The following TRHDE variants were observed in gnomAD, a reference collection of about 807,000 sequenced individuals.
TRHDE encodes the protein thyrotropin releasing hormone degrading enzyme.
In TRHDE, 72 loss-of-function variants were observed where a neutral mutation model predicts 125.7. That is an observed-to-expected ratio of 0.57 (90% CI 0.47 to 0.70). The LOEUF (loss-of-function observed/expected upper bound fraction) is 0.70. Ranked by LOEUF, TRHDE falls within the 30% of genes least tolerant of loss-of-function variation. The pLI, the probability that TRHDE is intolerant of heterozygous loss-of-function variation, is 0.00. For missense variants in TRHDE, 1,110 were observed against 1,327.1 expected (o/e 0.84, Z 2.54); for synonymous variants, 509 against 509.1 (o/e 1.00, Z 0.00).
chr12:72,547,547 T>G (rs1869478727), intron 7 of TRHDE, among the ~76,000 whole-genome samples: 1 of 151,828 alleles, frequency 6.6e-6, no homozygotes, highest in African/African-American at 2.4e-5. Context: ...TTTGATTAAC[T>G]TACGAATTTA....
intron 2 of TRHDE, among the ~76,000 whole-genome samples, chr12:72,305,319 G>A (rs1358320177): frequency 2.0e-5 from 3 of 152,138 alleles, no homozygotes; most frequent in Admixed American, 6.5e-5. Flanking sequence ...AATCCTCCCT[G>A]AAAAATGGAT....
intron 1 of TRHDE, among the ~76,000 whole-genome samples, chr12:72,104,327 A>G (rs963200285): frequency 6.6e-6 from 1 of 152,154 alleles, no homozygotes; most frequent in African/African-American, 2.4e-5. Context: ...GAGAAGATGC[A>G]TGTGTGTGGC....
chr12:72,624,478 G>A (rs1039648075), intron 15 of TRHDE, among the ~76,000 whole-genome samples: 1 of 151,862 alleles, frequency 6.6e-6, no homozygotes, highest in Non-Finnish European at 1.5e-5. Flanking sequence ...AAATTTGGGG[G>A]TGTTGTACTA....
chr12:72,514,540 G>T (rs1878745765), intron 6 of TRHDE, among the ~76,000 whole-genome samples: 1 of 151,784 alleles, frequency 6.6e-6, no homozygotes, highest in African/African-American at 2.4e-5. Context: ...GTGTATTCAA[G>T]AGTTATGCAG....
chr12:72,142,402 C>T (rs2139315184), intron 2 of TRHDE, among the ~76,000 whole-genome samples: 1 of 152,192 alleles, frequency 6.6e-6, no homozygotes. Context: ...AGTTGAATAC[C>T]TTCTTCTAAG....
intron 7 of TRHDE, 145 bp downstream of exon 7, chr12:72,542,501 GA>G (rs1869205326): frequency 5.6e-6 from 3 of 538,318 alleles, no homozygotes; most frequent in Admixed American, 3.3e-5. Flanking sequence ...TATGACAAAT[GA>G]AAATTCTAGA....
chr12:72,425,997 T>C (rs1055164745), intron 3 of TRHDE, among the ~76,000 whole-genome samples: 3 of 152,062 alleles, frequency 2.0e-5, no homozygotes, highest in Admixed American at 6.6e-5. Context: ...TAAACCCTGG[T>C]GACAGAATCA....
intron 2 of TRHDE, among the ~76,000 whole-genome samples, chr12:72,128,375 A>T (rs563799757): frequency 2.0e-5 from 3 of 152,306 alleles, no homozygotes; most frequent in African/African-American, 4.8e-5. Flanking sequence ...AAAAAGATCC[A>T]GTACCCAGCA....
At chr12:72,109,977 T>C (rs1592443860) in intron 2 of TRHDE, among the ~76,000 whole-genome samples, 1 of 152,118 alleles carries the variant, frequency 6.6e-6, no homozygotes, top group East Asian at 1.9e-4. Context: ...TGTGTAATTT[T>C]TCCTCTTGGG....
chr12:72,248,059 G>A (rs918749862), intron 2 of TRHDE, among the ~76,000 whole-genome samples: 3 of 152,128 alleles, frequency 2.0e-5, no homozygotes, highest in South Asian at 2.1e-4. Context: ...ATGCATGCAT[G>A]TGTGTATATG....
chr12:72,534,852 T>G (rs1868771419), intron 6 of TRHDE, among the ~76,000 whole-genome samples: 2 of 152,006 alleles, frequency 1.3e-5, no homozygotes, highest in Non-Finnish European at 2.9e-5. Flanking sequence ...CTGATATAAA[T>G]AAGCATGATT....
chr12:72,589,123 G>A (rs1433916090), intron 12 of TRHDE, among the ~76,000 whole-genome samples: 2 of 152,268 alleles, frequency 1.3e-5, no homozygotes, highest in East Asian at 1.9e-4. Context: ...TAAGGATCAA[G>A]AGATGCCCAG....
intron 2 of TRHDE, among the ~76,000 whole-genome samples, chr12:72,130,824 C>A (rs1033773295): frequency 1.3e-5 from 2 of 152,122 alleles, no homozygotes; most frequent in Admixed American, 6.5e-5. Flanking sequence ...CAAACAACTT[C>A]ATACCACTGA....
intron 6 of TRHDE, among the ~76,000 whole-genome samples, chr12:72,522,731 C>T (rs1250859979): frequency 6.6e-6 from 1 of 152,150 alleles, no homozygotes; most frequent in Non-Finnish European, 1.5e-5. Flanking sequence ...AAATTACTTT[C>T]CTCAAGCACC....
Position 72,532,048 on chromosome 12 carries a change from CTT to C in TRHDE, c.1723-10239_1723-10238del, listed in dbSNP as rs945574229. 8.7e-4 allele frequency among the ~76,000 whole-genome samples: 132 copies of C among 152,056 alleles called. 1 individual carries two copies. Among genetic ancestry groups the C allele is most frequent in the African/African-American group, 3.1e-3 (129 of 41,544 alleles). ...AGGATATTTGACATTTTTGCAGTAACTTTTTCTAGCTTTCTAAAGAATATAGT... is the reference window on the plus strand; with the variant it reads ...AGGATATTTGACATTTTTGCAGTAACTTTCTAGCTTTCTAAAGAATATAGT... On this transcript the variant is annotated intron_variant, in intron 6 of 18. Coordinates refer to ENST00000261180, the MANE Select transcript of TRHDE (RefSeq NM_013381.3).
intron 12 of TRHDE, among the ~76,000 whole-genome samples, chr12:72,600,216 G>A (rs459414): frequency 6.6e-6 from 1 of 151,946 alleles, no homozygotes; most frequent in Non-Finnish European, 1.5e-5. Context: ...TTTTTGCTTA[G>A]GATTTGTTTG....
At chr12:72,176,002 G>C (rs770647204) in intron 2 of TRHDE, among the ~76,000 whole-genome samples, 3 of 152,196 alleles carry the variant, frequency 2.0e-5, no homozygotes, top group Non-Finnish European at 4.4e-5. Context: ...AGAGAACTGT[G>C]ATTCAGGCCT....
At chr12:72,505,028 T>C (rs1183682088) in intron 6 of TRHDE, among the ~76,000 whole-genome samples, 1 of 152,158 alleles carries the variant, frequency 6.6e-6, no homozygotes, top group East Asian at 1.9e-4. Context: ...TAAATAGCTT[T>C]TTATAAAGAA....
rs563713785 is a variant in TRHDE at position 72,570,128 on chromosome 12, T to C, written c.2131+1472T>C. 3.3e-5 allele frequency among the ~76,000 whole-genome samples: 5 copies of C among 152,278 alleles called. No homozygotes were observed. The East Asian group carries it at 9.6e-4, about 29-fold the overall frequency. On this transcript the variant is annotated intron_variant, in intron 10 of 18. Coordinates refer to ENST00000261180, the MANE Select transcript of TRHDE (RefSeq NM_013381.3). ...AATTAGAAGAGGGTAAAGATACTGA[T>C]CAAACATGGGGATTAGCCCAAAACT...
Sources: gnomAD v4.1 joint callset for allele counts (sites outside exome capture counted in the v4.1 genomes callset) on GRCh38, gnomAD v4.1.1 for gene constraint, MANE v1.5 for transcripts, NCBI Gene and HGNC (gene_info 2026-07-23, HGNC 2026-07-21) for gene names.